MICU3: variants seen among roughly 807,000 people sequenced by gnomAD.
MICU3 encodes the protein calcium uptake protein 3, mitochondrial.
Under a neutral mutation model 66.5 loss-of-function variants are expected in MICU3, and 62 were observed. The ratio of observed to expected loss-of-function variants is 0.93; its 90% CI spans 0.76 to 1.15. MICU3 has a LOEUF of 1.15. MICU3 is among the 50% of genes most tolerant of loss of function. The probability of loss-of-function intolerance (pLI) is 0.00; values close to 1 mark genes in which losing one functional copy is unlikely to be tolerated. For synonymous variants in MICU3, 308 were observed against 240.7 expected (o/e 1.28, Z -2.59); for missense variants, 779 against 664.4 (o/e 1.17, Z -1.90).
chr8:17,048,730 C>T (rs1035383836), intron 1 of MICU3, among the ~76,000 whole-genome samples: 2 of 152,130 alleles, frequency 1.3e-5, no homozygotes, highest in African/African-American at 4.8e-5. Context: ...ATCCTCTTGC[C>T]TCCGCTTCCT....
chr8:17,078,523 TAAA>T (rs1466794111), intron 4 of MICU3, among the ~76,000 whole-genome samples: 1 of 152,100 alleles, frequency 6.6e-6, no homozygotes, highest in Non-Finnish European at 1.5e-5. Context: ...TTTTTAATCT[TAAA>T]AAGTAATATT....
intron 3 of MICU3, among the ~76,000 whole-genome samples, chr8:17,070,776 A>G (rs1819464459): frequency 6.6e-6 from 1 of 152,120 alleles, no homozygotes; most frequent in African/African-American, 2.4e-5. Flanking sequence ...AGTTAGGTAT[A>G]TTAGTCCCCG....
At chr8:17,073,894 C>A (rs1314195543) in intron 3 of MICU3, among the ~76,000 whole-genome samples, 1 of 151,982 alleles carries the variant, frequency 6.6e-6, no homozygotes, top group African/African-American at 2.4e-5. Context: ...AGTAAAAGGG[C>A]AAGTTGCAAA....
intron 1 of MICU3, among the ~76,000 whole-genome samples, chr8:17,028,770 T>G (rs1340381498): frequency 6.6e-6 from 1 of 152,066 alleles, no homozygotes; most frequent in Admixed American, 6.6e-5. Flanking sequence ...TACTAGGAAA[T>G]ACCCTCAAAT....
intron 7 of MICU3, 26 bp from the exon 8 acceptor site, chr8:17,090,520 A>C: frequency 1.2e-6 from 2 of 1,604,520 alleles, no homozygotes; most frequent in Non-Finnish European, 1.7e-6. Flanking sequence ...ATGACACTTC[A>C]TTTGGCCCTT....
intron 8 of MICU3, among the ~76,000 whole-genome samples, chr8:17,093,964 T>C (rs1007401977): frequency 9.9e-5 from 15 of 152,002 alleles, no homozygotes; most frequent in African/African-American, 2.9e-4. Flanking sequence ...AAGTAAAATA[T>C]TGCCATATAC....
rs1168267551 is a variant in MICU3 at position 17,040,589 on chromosome 8, T to C, written c.381+12929T>C. Among the ~76,000 whole-genome samples, 3 of 152,242 alleles carry C rather than the reference T, an allele frequency of 2.0e-5. No homozygotes were observed. The East Asian group carries it at 5.8e-4, about 29-fold the overall frequency. On this transcript the variant is annotated intron_variant, in intron 1 of 14. Transcript: ENST00000318063. Reference sequence around the variant, plus strand: ...GTGAATTTAGTAACTTACAGTTTCATGAAATAGCAAATGCAGAGATTATAT... The same window carrying C: ...GTGAATTTAGTAACTTACAGTTTCACGAAATAGCAAATGCAGAGATTATAT...
chr8:17,118,025 G>A (rs938672027), intron 13 of MICU3, among the ~76,000 whole-genome samples: 1 of 152,206 alleles, frequency 6.6e-6, no homozygotes, highest in Admixed American at 6.5e-5. Flanking sequence ...GAGTAAAGAT[G>A]CTGTGTACTT....
chr8:17,098,242 C>G (rs56021207), intron 8 of MICU3, among the ~76,000 whole-genome samples: 28,523 of 151,490 alleles, frequency 0.19, 2,947 homozygotes, highest in African/African-American at 0.26. Flanking sequence ...ATTGTACTTA[C>G]AAATAGTGGT....
At chr8:17,090,297 G>A (rs1799914277) in intron 7 of MICU3, among the ~76,000 whole-genome samples, 1 of 152,040 alleles carries the variant, frequency 6.6e-6, no homozygotes, top group Non-Finnish European at 1.5e-5. Context: ...TCTATTAGAA[G>A]GTTATAATGA....
At chr8:17,030,935 T>G (rs1031445745) in intron 1 of MICU3, among the ~76,000 whole-genome samples, 2 of 152,246 alleles carry the variant, frequency 1.3e-5, no homozygotes, top group African/African-American at 4.8e-5. Flanking sequence ...CTTGAATGTT[T>G]TAGTTTCCCA....
At chr8:17,073,683 T>C (rs1473507798) in intron 3 of MICU3, among the ~76,000 whole-genome samples, 1 of 152,092 alleles carries the variant, frequency 6.6e-6, no homozygotes, top group African/African-American at 2.4e-5. Context: ...GCCAAAAAGG[T>C]TGGGGACTGC....
At chr8:17,118,350 A>G (rs372652107) in intron 13 of MICU3, among the ~76,000 whole-genome samples, 2 of 152,130 alleles carry the variant, frequency 1.3e-5, no homozygotes, top group African/African-American at 4.8e-5. Flanking sequence ...GTATATATAT[A>G]TAGTGGAATG....
downstream of MICU3, among the ~76,000 whole-genome samples, chr8:17,127,403 G>C (rs538277835): frequency 1.3e-5 from 2 of 152,266 alleles, no homozygotes; most frequent in African/African-American, 4.8e-5. Context: ...TTAAGAAAGA[G>C]GAGAAAGTGA....
At position 17,120,394 on chromosome 8, in the gene MICU3, A is replaced by C. The variant is rs574536976; in HGVS notation, c.*107A>C. The C allele has an allele frequency of 4.6e-5, 7 of 152,230 alleles. No homozygotes were observed. In the South Asian group the frequency reaches 1.4e-3, roughly 32 times the overall value. The allele number at this position is 152,230 out of a possible 1,614,324, so 9.4% of individuals were successfully genotyped here. On this transcript the variant is annotated 3_prime_UTR_variant, in exon 15 of 15. Transcript: ENST00000318063. ...TGAGGTCAGAAGAAGTAGAGAATGA[A>C]GGAAAAGGTGAATGCTATGAAATTG...
At chr8:17,052,914 A>G (rs969006076) in intron 1 of MICU3, among the ~76,000 whole-genome samples, 1 of 152,194 alleles carries the variant, frequency 6.6e-6, no homozygotes, top group Non-Finnish European at 1.5e-5. Context: ...CAGATAATAT[A>G]GTGTAGAAAT....
the MICU3 span, among the ~76,000 whole-genome samples, chr8:17,138,130 G>C: frequency 1.3e-5 from 2 of 152,074 alleles, no homozygotes; most frequent in Non-Finnish European, 2.9e-5. Context: ...CACCCACATA[G>C]TGATAAACTC....
chr8:17,088,547 G>A (rs1799713430), intron 7 of MICU3, among the ~76,000 whole-genome samples: 2 of 151,782 alleles, frequency 1.3e-5, no homozygotes, highest in Admixed American at 6.6e-5. Flanking sequence ...ACTATTTAAG[G>A]AGGCTGAATA....
chr8:17,100,558 A>C (rs1281655069), intron 9 of MICU3, among the ~76,000 whole-genome samples: 3 of 151,726 alleles, frequency 2.0e-5, no homozygotes, highest in Non-Finnish European at 4.4e-5. Context: ...TCAGGATTCA[A>C]ATTGGTTCAG....
Sources: allele counts gnomAD v4.1 joint callset (sites outside exome capture counted in the v4.1 genomes callset), GRCh38; gene constraint gnomAD v4.1.1; transcripts MANE v1.5; gene names NCBI Gene and HGNC (gene_info 2026-07-23, HGNC 2026-07-21).